ZBTB49: variants seen among roughly 807,000 people sequenced by gnomAD.
ZBTB49 encodes the protein zinc finger and BTB domain-containing protein 49.
A neutral mutation model predicts 57.5 loss-of-function variants in ZBTB49; 43 were observed. The ratio of observed to expected loss-of-function variants is 0.75; its 90% CI spans 0.59 to 0.97. The LOEUF (loss-of-function observed/expected upper bound fraction) is 0.97. ZBTB49 is among the 50% of genes least tolerant of loss of function. ZBTB49 has a pLI of 0.00. For missense variants in ZBTB49, 938 were observed against 947.7 expected, an observed-to-expected ratio of 0.99 and a Z score of 0.13; for synonymous variants, 369 against 362.1, an observed-to-expected ratio of 1.02 and a Z score of -0.22.
chr4:4,321,081 A>T lies in ZBTB49; in HGVS notation c.2063A>T (p.Gln688Leu), dbSNP rs1465909548. The change falls in exon 8 of 8, where the codon CAG becomes CTG. Residue 688 changes from glutamine (Q) to leucine (L), a missense_variant. Coordinates refer to ENST00000337872, the MANE Select transcript of ZBTB49 (RefSeq NM_145291.4). ...AKPQMQQTQP[Q>L]AYAYSDVDTP... ...CCCCAGATGCAGCAGACACAGCCTC[A>T]GGCCTATGCTTACTCGGATGTGGAC... 1 of 1,614,098 alleles carries T rather than the reference A, an allele frequency of 6.2e-7. No individual in the cohort carries two copies. The highest frequency in any genetic ancestry group is 8.5e-7 in the Non-Finnish European group (1 of 1,180,054).
chr4:4,313,121 G>T lies in ZBTB49; in HGVS notation c.1376+7G>T. On this transcript the variant is annotated splice_region_variant and intron_variant, in intron 5 of 7. Coordinates refer to ENST00000337872, the MANE Select transcript of ZBTB49 (RefSeq NM_145291.4). ...GCGAGATCTGTGGAAAGAGGTCAGT[G>T]CTGGGCGTGTTCTTCCGTGTGGAAG... The T allele has an allele frequency of 6.2e-7, 1 of 1,614,094 alleles. No individual in the cohort carries two copies. The highest frequency in any genetic ancestry group is 8.5e-7 in the Non-Finnish European group (1 of 1,180,004).
chr4:4,310,752 C>G (rs1720953699), intron 4 of ZBTB49, among the ~76,000 whole-genome samples: 1 of 150,874 alleles, frequency 6.6e-6, no homozygotes, highest in Non-Finnish European at 1.5e-5. Context: ...ATCTCCTGAT[C>G]TCATGATCCA....
intron 1 of ZBTB49, among the ~76,000 whole-genome samples, chr4:4,291,623 C>T (rs1179714099): frequency 6.6e-6 from 1 of 152,172 alleles, no homozygotes; most frequent in Non-Finnish European, 1.5e-5. Context: ...GTTCAGGGCA[C>T]ATATGTGTAC....
intron 7 of ZBTB49, among the ~76,000 whole-genome samples, chr4:4,319,526 A>C (rs1721321356): frequency 6.6e-6 from 1 of 152,236 alleles, no homozygotes; most frequent in Admixed American, 6.5e-5. Flanking sequence ...ATTTTGTTAA[A>C]AGCTGAATAC....
intron 1 of ZBTB49, among the ~76,000 whole-genome samples, chr4:4,295,779 C>T (rs1332708924): frequency 6.6e-6 from 1 of 152,090 alleles, no homozygotes; most frequent in Non-Finnish European, 1.5e-5. Context: ...GAGATCATGC[C>T]AATACCCCAA....
At position 4,316,331 on chromosome 4, in the gene ZBTB49, G is replaced by T. The variant is rs941861391; in HGVS notation, c.1621+361G>T. Among the ~76,000 whole-genome samples, 148 of 152,188 alleles carry T rather than the reference G, an allele frequency of 9.7e-4. 1 individual carries two copies. The highest frequency in any genetic ancestry group is 1.9e-4 in the Non-Finnish European group (13 of 68,034). On this transcript the variant is annotated intron_variant, in intron 7 of 7. Transcript: ENST00000337872. ...GGTCCCGCCAGAGCATTAGGAGCAC[G>T]TGCTGGGATCAGAGGGTCGGCTTCT...
chr4:4,299,776 G>GTTGTGTGTGTGTGTGTGTGTGTGTGT (rs1553803868), intron 1 of ZBTB49, among the ~76,000 whole-genome samples, 151 bp from the exon 2 acceptor site: 2 of 103,636 alleles, frequency 1.9e-5, no homozygotes, highest in Non-Finnish European at 4.9e-5. Flanking sequence ...CAGAAACAGA[G>GTTGTGTGTGTGTGTGTGTGTGTGTGT]GTGTGTGTGT....
intron 7 of ZBTB49, among the ~76,000 whole-genome samples, chr4:4,317,817 A>G (rs1721250774): frequency 6.6e-6 from 1 of 151,744 alleles, no homozygotes; most frequent in Admixed American, 6.6e-5. Flanking sequence ...GTCTTCCCCC[A>G]GCATTTCACT....
intron 3 of ZBTB49, among the ~76,000 whole-genome samples, chr4:4,303,750 C>G (rs1436629324): frequency 0.031 from 1,520 of 49,502 alleles, 40 homozygotes; most frequent in African/African-American, 0.085. Context: ...CTCTCTCTCT[C>G]TCTCTCTCTC....
At chr4:4,310,511 A>ATTT (rs66523167) in intron 4 of ZBTB49, among the ~76,000 whole-genome samples, 1,664 of 141,328 alleles carry the variant, frequency 0.012, 38 homozygotes, top group African/African-American at 0.026. Flanking sequence ...ACTTGCTAGA[A>ATTT]TTTTTTTTTT....
chr4:4,293,080 C>T (rs1340218497), intron 1 of ZBTB49, among the ~76,000 whole-genome samples: 1 of 152,192 alleles, frequency 6.6e-6, no homozygotes, highest in Non-Finnish European at 1.5e-5. Context: ...TAGGGGACCT[C>T]TCCATTTTTA....
intron 4 of ZBTB49, among the ~76,000 whole-genome samples, chr4:4,309,368 C>G (rs949287973): frequency 3.9e-5 from 6 of 152,184 alleles, no homozygotes; most frequent in African/African-American, 1.2e-4. Context: ...TAGAGTATGA[C>G]TGAGTCGCAG....
rs916385916 is a variant in ZBTB49, at chr4:4,302,865, T to C, written c.1029T>C (p.Asn343=). The change falls in exon 3 of 8, where the codon AAT becomes AAC. Residue 343 remains asparagine (N), a synonymous_variant. Transcript: ENST00000337872. ...LTKRLESASK[N]TLEKASSQSA... is the part of the protein sequence containing the mutation. ...AGAGGTTGGAATCTGCTAGTAAAAA[T>C]ACCCTAGAGAAAGCTAGCAGCCAAA... 6.2e-7 allele frequency: 1 copy of C among 1,613,604 alleles called. No homozygotes were observed. The highest frequency in any genetic ancestry group is 1.3e-5 in the African/African-American group (1 of 74,922).
chr4:4,301,879 G>C, intron 2 of ZBTB49, 110 bp from the exon 3 acceptor site: 3 of 1,103,014 alleles, frequency 2.7e-6, no homozygotes, highest in Non-Finnish European at 3.6e-6. Context: ...TAAAAGTTTT[G>C]ACATTCACAG....
At chr4:4,316,141 C>G (rs2108899362) in intron 7 of ZBTB49, among the ~76,000 whole-genome samples, 171 bp downstream of exon 7, 1 of 152,238 alleles carries the variant, frequency 6.6e-6, no homozygotes, top group East Asian at 1.9e-4. Context: ...CAGGCATTTG[C>G]TGCTTGTCTT....
chr4:4,297,820 C>T (rs1720285896), intron 1 of ZBTB49, among the ~76,000 whole-genome samples: 1 of 151,238 alleles, frequency 6.6e-6, no homozygotes, highest in Non-Finnish European at 1.5e-5. Flanking sequence ...TGACAGCTCA[C>T]CTAAGCCCTG....
chr4:4,318,386 C>A (rs899099350), intron 7 of ZBTB49, among the ~76,000 whole-genome samples: 2 of 152,188 alleles, frequency 1.3e-5, no homozygotes, highest in South Asian at 2.1e-4. Flanking sequence ...GAGGCCGAGG[C>A]AGGTGGATCA....
chr4:4,307,889 T>G (rs1428861476), intron 4 of ZBTB49, among the ~76,000 whole-genome samples: 1 of 152,196 alleles, frequency 6.6e-6, no homozygotes, highest in Non-Finnish European at 1.5e-5. Flanking sequence ...TTAAATTATG[T>G]TGAGAGTAGA....
intron 7 of ZBTB49, among the ~76,000 whole-genome samples, chr4:4,317,275 G>C (rs547814196): frequency 3.3e-5 from 5 of 152,246 alleles, no homozygotes; most frequent in Non-Finnish European, 7.4e-5. Context: ...TGGGGGATGG[G>C]GGAGCGCTGA....
Sources: gnomAD v4.1 joint callset for allele counts (sites outside exome capture counted in the v4.1 genomes callset) on GRCh38, gnomAD v4.1.1 for gene constraint, MANE v1.5 for transcripts, NCBI Gene and HGNC (gene_info 2026-07-23, HGNC 2026-07-21) for gene names.